DLK1: variants seen among roughly 807,000 people sequenced by gnomAD.
The protein encoded by DLK1 is protein delta homolog 1.
Under a neutral mutation model 35.2 loss-of-function variants are expected in DLK1, and 9 were observed. The observed-to-expected ratio is 0.26, with a 90% CI of 0.15 to 0.45. The LOEUF (loss-of-function observed/expected upper bound fraction) is 0.45, where lower values mean the gene tolerates loss of function less well. Among genes scored for constraint, DLK1 ranks in the 20% least tolerant of loss-of-function variants. The pLI is 1.00. For synonymous variants in DLK1, 231 were observed against 228.4 expected (o/e 1.01, Z -0.10); for missense variants, 522 against 528.5 (o/e 0.99, Z 0.12).
intron 4 of DLK1, among the ~76,000 whole-genome samples, chr14:100,733,569 G>A (rs902684472): frequency 5.3e-5 from 8 of 152,006 alleles, no homozygotes; most frequent in Admixed American, 2.6e-4. Context: ...GATCCACACC[G>A]CTAATAATAA....
Position 100,734,264 on chromosome 14 carries a change from T to C in DLK1, c.520T>C (p.Cys174Arg). The C allele has an allele frequency of 1.2e-6, 2 of 1,613,468 alleles. No individual in the cohort carries two copies. The highest frequency in any genetic ancestry group is 1.7e-6 in the Non-Finnish European group (2 of 1,180,012). ...TTTCTGCGAGATCGTGGCCAACAGC[T>C]GCACCCCCAACCCATGCGAGAACGA... ...GNFCEIVANSCTPNPCENDGV... is the reference protein window; with the variant it reads ...GNFCEIVANSRTPNPCENDGV... The change falls in exon 5 of 5, where the codon TGC becomes CGC. Residue 174 changes from cysteine to arginine, a missense_variant. By Grantham distance (180) the Cys-to-Arg change is radical. Coordinates refer to ENST00000341267, the MANE Select transcript of DLK1 (RefSeq NM_003836.7). The surrounding 1 kb of genome is among the most constrained non-coding windows in gnomAD (Gnocchi z 7.4).
Position 100,727,004 on chromosome 14 carries a change from T to G in DLK1, c.-65T>G, listed in dbSNP as rs1393473437. 82 of 1,460,868 alleles carry G rather than the reference T, an allele frequency of 5.6e-5. No individual in the cohort carries two copies. Among genetic ancestry groups the G allele is most frequent in the Non-Finnish European group, 7.4e-5 (82 of 1,103,810 alleles). 90.5% of individuals were successfully genotyped at this position (1,460,868 alleles called of 1,614,324 possible). On this transcript the variant is annotated 5_prime_UTR_variant, in exon 1 of 5. Coordinates refer to ENST00000341267, the MANE Select transcript of DLK1 (RefSeq NM_003836.7). ...TTCGCGTCCGCAACCAGAAGCCCAG[T>G]GCGGCGCCAGGAGCCGGACCCGCGC...
chr14:100,730,921 G>A (rs1007133154), intron 3 of DLK1, among the ~76,000 whole-genome samples: 5 of 152,114 alleles, frequency 3.3e-5, no homozygotes, highest in African/African-American at 4.8e-5. Flanking sequence ...TCTGAGAGGG[G>A]GAAAAAATAC....
chr14:100,735,562 G>A lies in DLK1; in HGVS notation c.*666G>A, dbSNP rs2036563383. On this transcript the variant is annotated 3_prime_UTR_variant, in exon 5 of 5. Coordinates refer to ENST00000341267, the MANE Select transcript of DLK1 (RefSeq NM_003836.7). Reference sequence around the variant, plus strand: ...CTGGGCCCACTTTCTCGCCCCTCTCGAGGGAGGGGTTTGAACACCGACCAC... The same window carrying A: ...CTGGGCCCACTTTCTCGCCCCTCTCAAGGGAGGGGTTTGAACACCGACCAC... 1 of 152,248 alleles carries A rather than the reference G, an allele frequency of 6.6e-6. No homozygotes were observed. Among genetic ancestry groups the A allele is most frequent in the Admixed American group, 6.5e-5 (1 of 15,288 alleles). The allele number at this position is 152,248 out of a possible 1,614,324, so 9.4% of individuals were successfully genotyped here. A position where few individuals can be genotyped will look rare whatever the true frequency, so the allele number is the denominator to read the frequency against.
chr14:100,728,775 A>T, intron 2 of DLK1, 161 bp from the exon 3 acceptor site: 1 of 1,011,648 alleles, frequency 9.9e-7, no homozygotes, highest in Non-Finnish European at 1.5e-6. Context: ...TTTTCTCTTT[A>T]AGTTTTCCCA....
rs116711857 is a variant in DLK1, at chr14:100,734,824, C to T, written c.1080C>T (p.Ala360=). The change falls in exon 5 of 5, where the codon GCC becomes GCT. Residue 360 remains alanine (A), a synonymous_variant. Transcript: ENST00000341267. The surrounding 1 kb of genome is among the most constrained non-coding windows in gnomAD (Gnocchi z 7.4). ...AGTACAACAGCGGGGAGGACCTGGC[C>T]GTCAACATCATCTTCCCCGAGAAGA... ...LLQYNSGEDL[A]VNIIFPEKID... is the part of the protein sequence containing the mutation. 6.6e-5 allele frequency: 107 copies of T among 1,613,376 alleles called. No individual in the cohort carries two copies. The African/African-American group carries it at 1.0e-3, about 15-fold the overall frequency.
rs2036572403 is a variant in DLK1, at chr14:100,736,407, C to T, written c.*1511C>T. The T allele has an allele frequency of 6.6e-6, 1 of 152,164 alleles. No individual in the cohort carries two copies. Among genetic ancestry groups the T allele is most frequent in the Non-Finnish European group, 1.5e-5 (1 of 68,054 alleles). 9.4% of individuals were successfully genotyped at this position (152,164 alleles called of 1,614,324 possible). On this transcript the variant is annotated 3_prime_UTR_variant, in exon 5 of 5. Transcript: ENST00000341267. ...GTGTTTATTTCTAAGTCATCATCAC[C>T]TTCGTCATCTACAGTCAGTCACATC...
chr14:100,734,131 G>T lies in DLK1; in HGVS notation c.405-18G>T. ...CCTAGCCCCTGAGGCCGTTTACTAT[G>T]TCCCTGTTGTGTTGCAGCTCCCCCT... On this transcript the variant is annotated intron_variant, in intron 4 of 4. Coordinates refer to ENST00000341267, the MANE Select transcript of DLK1 (RefSeq NM_003836.7). The surrounding 1 kb of genome is among the most constrained non-coding windows in gnomAD (Gnocchi z 7.4). 1 of 1,586,486 alleles carries T rather than the reference G, an allele frequency of 6.3e-7. No homozygotes were observed.
In DLK1 at chr14:100,734,206, C is replaced by T. The variant is rs1345780086; in HGVS notation, c.462C>T (p.Ala154=). 6.2e-7 allele frequency: 1 copy of T among 1,613,136 alleles called. No homozygotes were observed. Among genetic ancestry groups the T allele is most frequent in the Admixed American group, 1.7e-5 (1 of 60,004 alleles). The change falls in exon 5 of 5, where the codon GCC becomes GCT. Residue 154 remains alanine, a synonymous_variant. Transcript: ENST00000341267. This position sits in a 1 kb window ranked among gnomAD's most constrained non-coding sequence, Gnocchi z 7.4. ...CVDDEGRASH[A]SCLCPPGFSG... is the part of the protein sequence containing the mutation. ...ATGATGAGGGCCGGGCCTCCCATGC[C>T]TCCTGCCTGTGCCCCCCTGGCTTCT... is the stretch of plus-strand genomic sequence containing the variant.
chr14:100,732,298 T>C (rs1409639412), intron 4 of DLK1, 115 bp downstream of exon 4: 10 of 1,474,316 alleles, frequency 6.8e-6, no homozygotes, highest in Admixed American at 2.3e-5. Context: ...AAGTAAGCGC[T>C]CATCCTGGCA....
At chr14:100,730,614 C>A (rs1260086123) in intron 3 of DLK1, among the ~76,000 whole-genome samples, 1 of 152,186 alleles carries the variant, frequency 6.6e-6, no homozygotes, top group Admixed American at 6.5e-5. Flanking sequence ...AGGGCTGATC[C>A]AGGATTGGCA....
rs1461360825 is a variant in DLK1, at chr14:100,726,927, G to T, written c.-142G>T. 23 of 706,340 alleles carry T rather than the reference G, an allele frequency of 3.3e-5. No individual in the cohort carries two copies. The highest frequency in any genetic ancestry group is 3.3e-5 in the Non-Finnish European group (17 of 513,754). 43.8% of individuals were successfully genotyped at this position (706,340 alleles called of 1,614,324 possible). ...CGGCAGCGGCGGTGGAGAGCGCAGC[G>T]CGCAGCCCGGTGCAGCCCTGGCTTT... On this transcript the variant is annotated 5_prime_UTR_variant, in exon 1 of 5. Coordinates refer to ENST00000341267, the MANE Select transcript of DLK1 (RefSeq NM_003836.7). The surrounding 1 kb of genome is among the most constrained non-coding windows in gnomAD (Gnocchi z 4.2).
Position 100,726,954 on chromosome 14 carries a change from C to G in DLK1, c.-115C>G. ...GCAGCCCGGTGCAGCCCTGGCTTTCCCCTCGCTGCGCGCCCGCGCCCCCTT... is the reference window on the plus strand; with the variant it reads ...GCAGCCCGGTGCAGCCCTGGCTTTCGCCTCGCTGCGCGCCCGCGCCCCCTT... On this transcript the variant is annotated 5_prime_UTR_variant, in exon 1 of 5. Transcript: ENST00000341267. The surrounding 1 kb of genome is among the most constrained non-coding windows in gnomAD (Gnocchi z 4.2). 5.7e-6 allele frequency: 6 copies of G among 1,055,134 alleles called. No individual in the cohort carries two copies. Among genetic ancestry groups the G allele is most frequent in the Non-Finnish European group, 6.3e-6 (5 of 797,202 alleles). 65.4% of individuals were successfully genotyped at this position (1,055,134 alleles called of 1,614,324 possible).
At chr14:100,728,592 A>C in intron 2 of DLK1, 133 bp downstream of exon 2, 1 of 153,190 alleles carries the variant, frequency 6.5e-6, no homozygotes, top group Non-Finnish European at 1.0e-5. Context: ...CCTGCAGAAA[A>C]CTGGTGGGGC....
chr14:100,726,962 G>GCGCGCC lies in DLK1; in HGVS notation c.-99_-94dup, dbSNP rs1035115862. On this transcript the variant is annotated 5_prime_UTR_variant, in exon 1 of 5. Coordinates refer to ENST00000341267, the MANE Select transcript of DLK1 (RefSeq NM_003836.7). The surrounding 1 kb of genome is among the most constrained non-coding windows in gnomAD (Gnocchi z 4.2). ...GTGCAGCCCTGGCTTTCCCCTCGCT[G>GCGCGCC]CGCGCCCGCGCCCCCTTTCGCGTCC... The GCGCGCC allele has an allele frequency of 4.4e-6, 5 of 1,144,026 alleles. No homozygotes were observed. The Admixed American group carries it at 1.6e-4, about 36-fold the overall frequency. 70.9% of individuals were successfully genotyped at this position (1,144,026 alleles called of 1,614,324 possible). A position where few individuals can be genotyped will look rare whatever the true frequency, so the allele number is the denominator to read the frequency against.
At chr14:100,727,167 C>G in intron 1 of DLK1, 32 bp downstream of exon 1, 1 of 1,537,056 alleles carries the variant, frequency 6.5e-7, no homozygotes, top group Non-Finnish European at 8.8e-7. Context: ...CTCGCGCCCC[C>G]TCTGGGGAAG....
At chr14:100,730,853 G>A (rs1414092520) in intron 3 of DLK1, among the ~76,000 whole-genome samples, 5 of 152,138 alleles carry the variant, frequency 3.3e-5, no homozygotes, top group Non-Finnish European at 7.4e-5. Flanking sequence ...TCAACACAAC[G>A]TTCAGGCTCT....
Position 100,731,918 on chromosome 14 carries a change from C to T in DLK1, c.263-124C>T. On this transcript the variant is annotated intron_variant, in intron 3 of 4. Coordinates refer to ENST00000341267, the MANE Select transcript of DLK1 (RefSeq NM_003836.7). ...TTCATGGGTTTTTTTGAGGGGGCTC[C>T]CTAAACCCTCTTACTCCAGACCCCA... The T allele has an allele frequency of 1.0e-5, 13 of 1,281,346 alleles. No homozygotes were observed. In the South Asian group the frequency reaches 2.2e-4, roughly 22 times the overall value. The allele number at this position is 1,281,346 out of a possible 1,614,324, so 79.4% of individuals were successfully genotyped here.
intron 3 of DLK1, among the ~76,000 whole-genome samples, chr14:100,731,397 C>A (rs2036505105): frequency 1.3e-5 from 2 of 152,196 alleles, no homozygotes; most frequent in African/African-American, 2.4e-5. Context: ...TTCTAATTTC[C>A]CTGGCTTTAA....
Sources: allele counts gnomAD v4.1 joint callset (sites outside exome capture counted in the v4.1 genomes callset), GRCh38; gene constraint gnomAD v4.1.1; non-coding constraint Gnocchi (gnomAD v3.1); transcripts MANE v1.5; gene names NCBI Gene and HGNC (gene_info 2026-07-23, HGNC 2026-07-21).